Variants in CLCN5 observed in about 807,000 individuals in gnomAD.
CLCN5 encodes the protein H(+)/Cl(-) exchange transporter 5.
In CLCN5, 17 loss-of-function variants were observed where a neutral mutation model predicts 54.0. The ratio of observed to expected loss-of-function variants is 0.31; its 90% CI spans 0.22 to 0.47. CLCN5 has a LOEUF of 0.47. Ranked by LOEUF, CLCN5 falls within the 20% of genes least tolerant of loss-of-function variation. The pLI, the probability that CLCN5 is intolerant of heterozygous loss-of-function variation, is 1.00. For synonymous variants in CLCN5, 222 were observed against 233.0 expected (o/e 0.95, Z 0.43); for missense variants, 448 against 646.7 (o/e 0.69, Z 3.33).
At chrX:50,065,116 C>G (rs1156374750) in intron 4 of CLCN5, among the ~76,000 whole-genome samples, 1 of 93,965 alleles carries the variant, frequency 1.1e-5, no homozygotes, top group Non-Finnish European at 2.1e-5. Flanking sequence ...GACTTCATGT[C>G]CAAAACACCA....
chrX:49,924,187 C>T (rs889220585), intron 2 of CLCN5, among the ~76,000 whole-genome samples: 10 of 99,805 alleles, frequency 1.0e-4, no homozygotes, highest in Non-Finnish European at 1.8e-4. Flanking sequence ...CTCGTTCTGT[C>T]GCCCAGGCTG....
chrX:50,048,379 T>C (rs1002571604), intron 4 of CLCN5, among the ~76,000 whole-genome samples: 1 of 112,605 alleles, frequency 8.9e-6, no homozygotes, highest in Non-Finnish European at 1.9e-5. Flanking sequence ...GACCCCCTGG[T>C]TTAGCTCACA....
intron 3 of CLCN5, among the ~76,000 whole-genome samples, chrX:49,997,999 A>G (rs1286549042): frequency 9.0e-6 from 1 of 110,812 alleles, no homozygotes; most frequent in African/African-American, 3.3e-5. Flanking sequence ...GGCATTCATG[A>G]GGATCTTTGA....
At position 50,042,548 on chromosome X, in the gene CLCN5, A is replaced by G. The variant is rs782136267; in HGVS notation, c.163+86A>G. The G allele has an allele frequency of 6.1e-5, 38 of 618,269 alleles. No individual in the cohort carries two copies. In the South Asian group the frequency reaches 2.4e-3, roughly 39 times the overall value. The allele number at this position is 618,269 out of a possible 1,213,427, so 51.0% of individuals were successfully genotyped here. A position where few individuals can be genotyped will look rare whatever the true frequency, so the allele number is the denominator to read the frequency against. On this transcript the variant is annotated intron_variant, in intron 4 of 14. Coordinates refer to ENST00000376091, the MANE Select transcript of CLCN5 (RefSeq NM_001127898.4). ...TTATTTTTTTTTAATTTTATTTTCT[A>G]GCACACAGTCCTGTGAGTTTTTAAC...
chrX:50,025,775 G>T (rs1170337258), intron 3 of CLCN5, among the ~76,000 whole-genome samples: 3 of 110,586 alleles, frequency 2.7e-5, no homozygotes, highest in African/African-American at 9.9e-5. Flanking sequence ...GGCCTTTCAT[G>T]CTTACTTAAC....
At position 50,096,100 on chromosome X, in the gene CLCN5, A is replaced by G. The variant is rs892558162; in HGVS notation, c.*3881A>G. 4.4e-4 allele frequency: 49 copies of G among 111,589 alleles called. No individual in the cohort carries two copies. The highest frequency in any genetic ancestry group is 1.3e-3 in the African/African-American group (41 of 30,709). 9.2% of individuals were successfully genotyped at this position (111,589 alleles called of 1,213,427 possible). A position where few individuals can be genotyped will look rare whatever the true frequency, so the allele number is the denominator to read the frequency against. On this transcript the variant is annotated 3_prime_UTR_variant, in exon 15 of 15. Transcript: ENST00000376091. ...TCTTGTGAGGAACTGGGTCCCCTGC[A>G]CTGGATCAGAGCCAAATGCAAGCCA...
At chrX:50,006,057 T>C (rs781927709) in intron 3 of CLCN5, among the ~76,000 whole-genome samples, 2 of 112,279 alleles carry the variant, frequency 1.8e-5, no homozygotes, top group Non-Finnish European at 3.8e-5. Flanking sequence ...GTTCTGACTG[T>C]TGTATGGCAA....
chrX:50,068,538 C>T (rs1384132562), intron 4 of CLCN5, among the ~76,000 whole-genome samples: 2 of 87,187 alleles, frequency 2.3e-5, no homozygotes, highest in African/African-American at 8.8e-5. Context: ...TTCAAATGTG[C>T]ACCTTGCCTG....
At chrX:50,025,984 T>G (rs1400911657) in intron 3 of CLCN5, among the ~76,000 whole-genome samples, 1 of 112,334 alleles carries the variant, frequency 8.9e-6, no homozygotes, top group African/African-American at 3.2e-5. Flanking sequence ...TTATTGATTA[T>G]AGATCTTTCT....
At chrX:49,984,906 C>T (rs1377635216) in intron 3 of CLCN5, among the ~76,000 whole-genome samples, 1 of 110,503 alleles carries the variant, frequency 9.0e-6, no homozygotes, top group African/African-American at 3.3e-5. Context: ...GGTGAGCCAC[C>T]GTGCCTGGCA....
chrX:49,957,753 T>G (rs1480168924), intron 3 of CLCN5, among the ~76,000 whole-genome samples: 5 of 112,340 alleles, frequency 4.5e-5, no homozygotes, highest in Non-Finnish European at 9.4e-5. Context: ...CATTAATTGG[T>G]ATTCTTTAAA....
At chrX:49,930,620 A>G (rs1231949230) in intron 3 of CLCN5, among the ~76,000 whole-genome samples, 20 of 111,286 alleles carry the variant, frequency 1.8e-4, no homozygotes, top group African/African-American at 6.2e-4. Flanking sequence ...TCATCCCTCC[A>G]TGTGCTCGGG....
chrX:50,052,968 T>A lies in CLCN5; in HGVS notation c.163+10506T>A, dbSNP rs564028985. Among the ~76,000 whole-genome samples, 4 of 111,929 alleles carry A rather than the reference T, an allele frequency of 3.6e-5. No homozygotes were observed. In the South Asian group the frequency reaches 1.5e-3, roughly 42 times the overall value. ...TGGAGGAAAAATAGAAGTGGGTTGT[T>A]TAAGCTTTGTGTATTTTGGGATTTC... is the stretch of plus-strand genomic sequence containing the variant. On this transcript the variant is annotated intron_variant, in intron 4 of 14. Coordinates refer to ENST00000376091, the MANE Select transcript of CLCN5 (RefSeq NM_001127898.4).
At chrX:49,927,940 T>A (rs1412504856) in intron 3 of CLCN5, among the ~76,000 whole-genome samples, 2 of 111,946 alleles carry the variant, frequency 1.8e-5, no homozygotes, top group Non-Finnish European at 3.8e-5. Flanking sequence ...CACTCATATG[T>A]GGGAGTTAAA....
intron 3 of CLCN5, among the ~76,000 whole-genome samples, chrX:50,007,397 T>TTCTCTCTCTCTCTCTCTCTCTCTC (rs781888075): frequency 3.6e-3 from 227 of 63,618 alleles, no homozygotes; most frequent in East Asian, 5.9e-3. Flanking sequence ...CTCTCTCTCT[T>TTCTCTCTCTCTCTCTCTCTCTCTC]TCTCTCTCTC....
Position 49,950,135 on chromosome X carries a change from GA to G in CLCN5, c.16+24822del, listed in dbSNP as rs1225410748. 2.0e-4 allele frequency among the ~76,000 whole-genome samples: 22 copies of G among 111,848 alleles called. No individual in the cohort carries two copies. The East Asian group carries it at 6.2e-3, about 31-fold the overall frequency. On this transcript the variant is annotated intron_variant, in intron 3 of 14. Coordinates refer to ENST00000376091, the MANE Select transcript of CLCN5 (RefSeq NM_001127898.4). Reference sequence around the variant, plus strand: ...AAGGACCGTTAGTATAACACAGCTGGATGGCATTTCTCTAAGCTACCATTTT... The same window carrying G: ...AAGGACCGTTAGTATAACACAGCTGGTGGCATTTCTCTAAGCTACCATTTT...
intron 3 of CLCN5, among the ~76,000 whole-genome samples, chrX:49,947,584 GA>G (rs782194458): frequency 5.5e-4 from 61 of 111,562 alleles, no homozygotes; most frequent in African/African-American, 1.9e-3. Flanking sequence ...AAACAAAAAG[GA>G]AACAAGTTAT....
chrX:50,022,976 G>A (rs1557184566), intron 3 of CLCN5, among the ~76,000 whole-genome samples: 4 of 83,110 alleles, frequency 4.8e-5, no homozygotes, highest in African/African-American at 2.0e-4. Context: ...GGAGAGTTCT[G>A]TAGATGTCTA....
chrX:49,998,104 C>T (rs1398473450), intron 3 of CLCN5, among the ~76,000 whole-genome samples: 1 of 111,042 alleles, frequency 9.0e-6, no homozygotes, highest in Non-Finnish European at 1.9e-5. Flanking sequence ...CTGAGCTCAG[C>T]ACTGGTCATA....
Sources: allele counts gnomAD v4.1 joint callset (sites outside exome capture counted in the v4.1 genomes callset), GRCh38; gene constraint gnomAD v4.1.1; transcripts MANE v1.5; gene names NCBI Gene and HGNC (gene_info 2026-07-23, HGNC 2026-07-21).